The following SLC11A2 variants were observed in gnomAD, a reference collection of about 807,000 sequenced individuals.
The protein encoded by SLC11A2 is solute carrier family 11 member 2.
Under a neutral mutation model 68.0 loss-of-function variants are expected in SLC11A2, and 38 were observed. The observed-to-expected ratio is 0.56, with a 90% CI of 0.43 to 0.73. The LOEUF is 0.73. Ranked by LOEUF, SLC11A2 falls within the 30% of genes least tolerant of loss-of-function variation. The pLI, the probability that SLC11A2 is intolerant of heterozygous loss-of-function variation, is 0.00. For missense variants in SLC11A2, 517 were observed against 690.5 expected, an observed-to-expected ratio of 0.75 and a Z score of 2.82; for synonymous variants, 242 against 250.6, an observed-to-expected ratio of 0.97 and a Z score of 0.32.
chr12:50,964,195 G>A, the SLC11A2 span, among the ~76,000 whole-genome samples: 21 of 152,270 alleles, frequency 1.4e-4, no homozygotes, highest in African/African-American at 4.8e-4. Flanking sequence ...TCAAAATAAG[G>A]AAGAAACACT....
downstream of SLC11A2, among the ~76,000 whole-genome samples, chr12:50,985,680 A>C (rs1940472483): frequency 6.6e-6 from 1 of 152,254 alleles, no homozygotes; most frequent in Non-Finnish European, 1.5e-5. Context: ...GAAAATAGTC[A>C]GCTTAGAGAA....
intron 13 of SLC11A2, 147 bp from the exon 14 acceptor site, chr12:50,991,819 T>C (rs1185378107): frequency 1.4e-6 from 1 of 722,086 alleles, no homozygotes; most frequent in Non-Finnish European, 2.4e-6. Flanking sequence ...TGCTTGGGCA[T>C]TATGCTGAAT....
downstream of SLC11A2, among the ~76,000 whole-genome samples, chr12:50,974,647 C>T (rs531854261): frequency 2.6e-4 from 40 of 152,088 alleles, no homozygotes; most frequent in African/African-American, 9.4e-4. Flanking sequence ...CAATATTAAC[C>T]TTAAATGTAA....
intron 3 of SLC11A2, among the ~76,000 whole-genome samples, chr12:51,006,551 C>A (rs1942748147): frequency 6.6e-6 from 1 of 152,146 alleles, no homozygotes; most frequent in Admixed American, 6.5e-5. Flanking sequence ...CTTTTCAGGT[C>A]TTTTCCTGAT....
rs747072604 is a variant in SLC11A2, at chr12:51,008,509, G to A, written c.150C>T (p.Tyr50=). The change falls in exon 3 of 16, where the codon TAC becomes TAT. Residue 50 remains tyrosine (Y), a synonymous_variant. Transcript: ENST00000262052. ...CAGGAATGGAGATCTTCTCATTAAA[G>A]TAAGTGGCGAAGTACTCCTCTGAGT... ...PGDSEEYFAT[Y]FNEKISIPEE... 1.1e-5 allele frequency: 18 copies of A among 1,613,290 alleles called. No homozygotes were observed. The South Asian group carries it at 2.0e-4, about 18-fold the overall frequency.
the SLC11A2 span, among the ~76,000 whole-genome samples, chr12:50,972,630 G>C: frequency 6.6e-6 from 1 of 152,240 alleles, no homozygotes; most frequent in Non-Finnish European, 1.5e-5. Context: ...ACTGGGGATT[G>C]TCAGACAGTG....
At chr12:50,955,932 G>A in the SLC11A2 span, among the ~76,000 whole-genome samples, 1 of 152,154 alleles carries the variant, frequency 6.6e-6, no homozygotes, top group South Asian at 2.1e-4. Flanking sequence ...AAAGATAAAA[G>A]TGTTTCCAGC....
In SLC11A2 at chr12:50,987,563, G is replaced by GA; in HGVS notation, c.*761dup. On this transcript the variant is annotated 3_prime_UTR_variant, in exon 16 of 16. Coordinates refer to ENST00000262052, the MANE Select transcript of SLC11A2 (RefSeq NM_000617.3). Reference sequence around the variant, plus strand: ...TGTGCTCAAGAGTAAATATCATCAGGAAAGCTCTGTACTAACAGGCAGGTT... The same window carrying GA: ...TGTGCTCAAGAGTAAATATCATCAGGAAAAGCTCTGTACTAACAGGCAGGTT... The GA allele has an allele frequency of 7.8e-7, 1 of 1,287,128 alleles. No individual in the cohort carries two copies. The highest frequency in any genetic ancestry group is 1.0e-6 in the Non-Finnish European group (1 of 988,684). 79.7% of individuals were successfully genotyped at this position (1,287,128 alleles called of 1,614,324 possible). A position where few individuals can be genotyped will look rare whatever the true frequency, so the allele number is the denominator to read the frequency against.
chr12:51,015,105 A>G (rs1003828558), intron 1 of SLC11A2, among the ~76,000 whole-genome samples: 1 of 151,594 alleles, frequency 6.6e-6, no homozygotes, highest in African/African-American at 2.4e-5. Flanking sequence ...GGTTGCGGTG[A>G]GCCAATATTG....
rs1389465331 is a variant in SLC11A2 at position 50,990,834 on chromosome 12, A to G, written c.1536T>C (p.Ala512=). Residue 512 remains alanine (A), a synonymous_variant, in exon 15 of 16, where the codon GCT becomes GCC. Transcript: ENST00000262052. The part of the protein sequence containing the change: ...LGHVALYVVA[A]VVSVAYLGFV... ...AGCCCAGATAAGCCACGCTGACCAC[A>G]GCAGCCACCACATATAATGCCACAT... 6.2e-6 allele frequency: 10 copies of G among 1,614,184 alleles called. No individual in the cohort carries two copies. The highest frequency in any genetic ancestry group is 2.7e-5 in the African/African-American group (2 of 75,062).
At chr12:50,983,377 T>C (rs1207044426), downstream of SLC11A2, among the ~76,000 whole-genome samples, 1 of 152,232 alleles carries the variant, frequency 6.6e-6, no homozygotes, top group African/African-American at 2.4e-5. Flanking sequence ...GAATGCAGAC[T>C]ATAAATTTAT....
At chr12:50,970,429 C>T in the SLC11A2 span, 2 of 1,353,116 alleles carry the variant, frequency 1.5e-6, no homozygotes, top group Middle Eastern at 1.8e-4. Context: ...GATATACATC[C>T]TTCTTTTTCT....
At chr12:50,979,450 C>A, downstream of SLC11A2, 1 of 167,056 alleles carries the variant, frequency 6.0e-6, no homozygotes, top group South Asian at 1.5e-4. Context: ...CTTCGTTTCC[C>A]CAACACTCTC....
intron 1 of SLC11A2, chr12:51,026,048 A>C: frequency 9.2e-7 from 1 of 1,084,442 alleles, no homozygotes; most frequent in Non-Finnish European, 1.1e-6. Context: ...CGCGGCGGGG[A>C]AGGGGCGAGA....
At chr12:50,965,311 T>G in the SLC11A2 span, among the ~76,000 whole-genome samples, 1 of 143,636 alleles carries the variant, frequency 7.0e-6, no homozygotes, top group African/African-American at 2.6e-5. Context: ...TTTGTAGAGG[T>G]GAAGTCTTGC....
At chr12:51,000,482 A>G in intron 5 of SLC11A2, 63 bp from the exon 6 acceptor site, 1 of 1,305,580 alleles carries the variant, frequency 7.7e-7, no homozygotes, top group Non-Finnish European at 1.1e-6. Context: ...TTCCTCCACA[A>G]TTTGGAATTC....
In SLC11A2 at chr12:51,026,211, C is replaced by T. The variant is rs935106168; in HGVS notation, c.-39+99G>A. On this transcript the variant is annotated intron_variant, in intron 1 of 15. Coordinates refer to ENST00000262052, the MANE Select transcript of SLC11A2 (RefSeq NM_000617.3). ...ACGGCGAGCCGGTGTCGCATCCTAGCCCCGGAGCCTGACCCCCGACACAGG... is the reference window on the plus strand; with the variant it reads ...ACGGCGAGCCGGTGTCGCATCCTAGTCCCGGAGCCTGACCCCCGACACAGG... The T allele has an allele frequency of 5.0e-6, 6 of 1,209,416 alleles. No homozygotes were observed. In the African/African-American group the frequency reaches 8.1e-5, roughly 16 times the overall value. 74.9% of individuals were successfully genotyped at this position (1,209,416 alleles called of 1,614,324 possible).
chr12:51,012,435 A>G (rs771576483), intron 1 of SLC11A2, among the ~76,000 whole-genome samples: 44 of 152,206 alleles, frequency 2.9e-4, no homozygotes, highest in Non-Finnish European at 2.8e-4. Flanking sequence ...TTCATTGATA[A>G]GCCCCTCTTT....
chr12:51,015,490 T>A (rs1248824136), intron 1 of SLC11A2, among the ~76,000 whole-genome samples: 1 of 148,580 alleles, frequency 6.7e-6, no homozygotes, highest in African/African-American at 2.5e-5. Context: ...AAATAAATAA[T>A]TAAATAGTTA....
Sources: gnomAD v4.1 joint callset for allele counts (sites outside exome capture counted in the v4.1 genomes callset) on GRCh38, gnomAD v4.1.1 for gene constraint, MANE v1.5 for transcripts, NCBI Gene and HGNC (gene_info 2026-07-23, HGNC 2026-07-21) for gene names.